Variants in TMEM190 observed in about 807,000 individuals in gnomAD.
The protein encoded by TMEM190 is transmembrane protein 190.
A neutral mutation model predicts 17.1 loss-of-function variants in TMEM190; 17 were observed. That is an observed-to-expected ratio of 0.99 (90% CI 0.68 to 1.49). TMEM190 has a LOEUF of 1.49. TMEM190 is among the 40% of genes most tolerant of loss of function. The pLI is 0.00. For missense variants in TMEM190, 246 were observed against 245.0 expected, an observed-to-expected ratio of 1.00 and a Z score of -0.03; for synonymous variants, 101 against 103.8, an observed-to-expected ratio of 0.97 and a Z score of 0.16.
rs903104944 is a variant in TMEM190, at chr19:55,376,835, A to G, written c.-19A>G. The G allele has an allele frequency of 5.2e-6, 8 of 1,538,106 alleles. No individual in the cohort carries two copies. The highest frequency in any genetic ancestry group is 6.1e-6 in the Non-Finnish European group (7 of 1,141,152). ...TAAGGCCTCTTCCCACAGTGGCCCC[A>G]GGGGTCTGGGGAGGTGACATGTTGG... On this transcript the variant is annotated 5_prime_UTR_variant, in exon 1 of 5. Coordinates refer to ENST00000291934, the MANE Select transcript of TMEM190 (RefSeq NM_139172.3).
In TMEM190 at chr19:55,377,865, G is replaced by C. The variant is rs749218991; in HGVS notation, c.284G>C (p.Ser95Thr). 1 of 1,610,176 alleles carries C rather than the reference G, an allele frequency of 6.2e-7. No homozygotes were observed. The highest frequency in any genetic ancestry group is 8.5e-7 in the Non-Finnish European group (1 of 1,179,832). Residue 95 changes from serine (S) to threonine (T), a missense_variant, in exon 4 of 5, where the codon AGC becomes ACC. By Grantham distance (58) the Ser-to-Thr change is moderately conservative. Transcript: ENST00000291934. Reference protein sequence around the residue: ...VWTCSGLLLLSCSICLFWWAK... With the variant: ...VWTCSGLLLLTCSICLFWWAK... ...ACGTGCAGCGGCCTCCTCCTCCTGA[G>C]CTGCAGCATCTGCTTGTTCTGGCGA...
Position 55,377,004 on chromosome 19 carries a change from C to T in TMEM190, c.72C>T (p.Ile24=), listed in dbSNP as rs2089856084. 6.4e-7 allele frequency: 1 copy of T among 1,551,316 alleles called. No individual in the cohort carries two copies. Among genetic ancestry groups the T allele is most frequent in the African/African-American group, 1.4e-5 (1 of 73,050 alleles). Residue 24 remains isoleucine (I), a synonymous_variant, in exon 2 of 5, where the codon ATC becomes ATT. Coordinates refer to ENST00000291934, the MANE Select transcript of TMEM190 (RefSeq NM_139172.3). ...LLQGSADGNG[I]QGFFYPWSCE... ...TTTCTCTCGCAGACGGAAATGGAAT[C>T]CAGGGATTCTTCTACCCATGGAGTG...
rs1348388491 is a variant in TMEM190, at chr19:55,377,716, A to G, written c.218A>G (p.Asp73Gly). 1 of 1,611,380 alleles carries G rather than the reference A, an allele frequency of 6.2e-7. No individual in the cohort carries two copies. The highest frequency in any genetic ancestry group is 8.5e-7 in the Non-Finnish European group (1 of 1,178,386). Reference protein sequence around the residue: ...RNGVCYHQRPDENVRRKHMWA... With the variant: ...RNGVCYHQRPGENVRRKHMWA... Reference sequence around the variant, plus strand: ...GGGGTCTGCTACCACCAGCGTCCAGACGGTGAGGGCTCCTGGCCCCAGGTC... The same window carrying G: ...GGGGTCTGCTACCACCAGCGTCCAGGCGGTGAGGGCTCCTGGCCCCAGGTC... Residue 73 changes from aspartate to glycine, a missense_variant and splice_region_variant, in exon 3 of 5, where the codon GAC becomes GGC. Transcript: ENST00000291934.
rs1382524424 is a variant in TMEM190, at chr19:55,377,027, G to A, written c.94+1G>A. 6.4e-7 allele frequency: 1 copy of A among 1,551,302 alleles called. No individual in the cohort carries two copies. Among genetic ancestry groups the A allele is most frequent in the South Asian group, 1.2e-5 (1 of 84,068 alleles). ...ATCCAGGGATTCTTCTACCCATGGA[G>A]TGAGCAGCCGCTGAAATACTGGGTC... is the stretch of plus-strand genomic sequence containing the variant. On this transcript the variant is annotated splice_donor_variant, in intron 2 of 4. Coordinates refer to ENST00000291934, the MANE Select transcript of TMEM190 (RefSeq NM_139172.3). LOFTEE classifies it high-confidence loss of function.
chr19:55,377,141 G>GC lies in TMEM190; in HGVS notation c.94+115_94+116insC. 5 of 1,260,714 alleles carry GC rather than the reference G, an allele frequency of 4.0e-6. No individual in the cohort carries two copies. The South Asian group carries it at 6.5e-5, about 16-fold the overall frequency. The allele number at this position is 1,260,714 out of a possible 1,614,324, so 78.1% of individuals were successfully genotyped here. On this transcript the variant is annotated intron_variant, in intron 2 of 4. Transcript: ENST00000291934. Reference sequence around the variant, plus strand: ...TCCTGGATCTGAGGGAGGACGGGGGGGTCTGGACTCCTGGGTCTGAGGGAG... The same window carrying GC: ...TCCTGGATCTGAGGGAGGACGGGGGGCGTCTGGACTCCTGGGTCTGAGGGAG...
At chr19:55,377,748 G>A (rs751039714) in intron 3 of TMEM190, 30 bp downstream of exon 3, 2 of 1,612,076 alleles carry the variant, frequency 1.2e-6, no homozygotes, top group South Asian at 1.1e-5. Flanking sequence ...GGTCCCTGGG[G>A]CGTGGGTCTG....
Position 55,377,896 on chromosome 19 carries a change from C to A in TMEM190, c.305+10C>A. 6.2e-7 allele frequency: 1 copy of A among 1,608,158 alleles called. No individual in the cohort carries two copies. Among genetic ancestry groups the A allele is most frequent in the Non-Finnish European group, 8.5e-7 (1 of 1,179,740 alleles). ...GCATCTGCTTGTTCTGGCGAGTGGGCCTGGGATAGGGCGGGCGCCTGCACC... is the reference window on the plus strand; with the variant it reads ...GCATCTGCTTGTTCTGGCGAGTGGGACTGGGATAGGGCGGGCGCCTGCACC... On this transcript the variant is annotated intron_variant, in intron 4 of 4. Coordinates refer to ENST00000291934, the MANE Select transcript of TMEM190 (RefSeq NM_139172.3).
intron 3 of TMEM190, 31 bp from the exon 4 acceptor site, chr19:55,377,771 C>T (rs2089863822): frequency 1.9e-6 from 3 of 1,612,716 alleles, no homozygotes; most frequent in Non-Finnish European, 2.5e-6. Flanking sequence ...GGTCGGGAGC[C>T]CCGGGTCTTA....
chr19:55,376,963 A>T, intron 1 of TMEM190, 28 bp from the exon 2 acceptor site: 1 of 1,552,654 alleles, frequency 6.4e-7, no homozygotes, highest in Non-Finnish European at 8.7e-7. Flanking sequence ...GGCTCCACAC[A>T]GCCCTAACAC....
rs369552487 is a variant in TMEM190 at position 55,377,639 on chromosome 19, G to T, written c.141G>T (p.Ala47=). ...ACCGGGAGAGCTGTGGGGGCCAGGC[G>T]GCCATCGATAGCCCCAACCTCTGCC... ...IWDRESCGGQ[A]AIDSPNLCLR... The change falls in exon 3 of 5, where the codon GCG becomes GCT. Residue 47 remains alanine, a synonymous_variant. Transcript: ENST00000291934. 1 of 1,613,242 alleles carries T rather than the reference G, an allele frequency of 6.2e-7. No homozygotes were observed. Among genetic ancestry groups the T allele is most frequent in the Non-Finnish European group, 8.5e-7 (1 of 1,179,600 alleles).
In TMEM190 at chr19:55,378,218, G is replaced by A. The variant is rs751580933; in HGVS notation, c.*15G>A. On this transcript the variant is annotated 3_prime_UTR_variant, in exon 5 of 5. Coordinates refer to ENST00000291934, the MANE Select transcript of TMEM190 (RefSeq NM_139172.3). ...AGGAGGATTAGGGGAGTCCCCGGGGGACTGCTCAATACAGATACGGTGGAC... is the reference window on the plus strand; with the variant it reads ...AGGAGGATTAGGGGAGTCCCCGGGGAACTGCTCAATACAGATACGGTGGAC... The A allele has an allele frequency of 5.2e-6, 8 of 1,526,582 alleles. No homozygotes were observed. Among genetic ancestry groups the A allele is most frequent in the South Asian group, 3.8e-5 (3 of 77,962 alleles). 94.6% of individuals were successfully genotyped at this position (1,526,582 alleles called of 1,614,324 possible).
chr19:55,377,943 AGGGC>A, intron 4 of TMEM190, 28 bp from the exon 5 acceptor site: 1 of 1,606,522 alleles, frequency 6.2e-7, no homozygotes, highest in Non-Finnish European at 8.5e-7. Flanking sequence ...GGTCCGGCGG[AGGGC>A]GGGGGCTGAG....
At chr19:55,377,934 G>A (rs1307573975) in intron 4 of TMEM190, 41 bp from the exon 5 acceptor site, 1 of 1,606,298 alleles carries the variant, frequency 6.2e-7, no homozygotes, top group Non-Finnish European at 8.5e-7. Context: ...CAGGGGGAGG[G>A]TCCGGCGGAG....
Position 55,377,577 on chromosome 19 carries a change from G to A in TMEM190, c.95-16G>A. The stretch of plus-strand genomic sequence containing the variant: ...GAGCGCTGTGATGAAGCAAGCCACT[G>A]GTGGTTGGTCCCCAGGCTGTGAGGG... On this transcript the variant is annotated splice_polypyrimidine_tract_variant and intron_variant, in intron 2 of 4. Coordinates refer to ENST00000291934, the MANE Select transcript of TMEM190 (RefSeq NM_139172.3). 1 of 1,597,416 alleles carries A rather than the reference G, an allele frequency of 6.3e-7. No homozygotes were observed. Among genetic ancestry groups the A allele is most frequent in the Non-Finnish European group, 8.5e-7 (1 of 1,171,700 alleles).
At position 55,377,857 on chromosome 19, in the gene TMEM190, C is replaced by T. The variant is rs1310024827; in HGVS notation, c.276C>T (p.Leu92=). 6.2e-7 allele frequency: 1 copy of T among 1,610,534 alleles called. No homozygotes were observed. Among genetic ancestry groups the T allele is most frequent in the Admixed American group, 1.7e-5 (1 of 59,988 alleles). ...WALVWTCSGL[L]LLSCSICLFW... is the part of the protein sequence containing the mutation. ...TGGTCTGGACGTGCAGCGGCCTCCT[C>T]CTCCTGAGCTGCAGCATCTGCTTGT... is the stretch of plus-strand genomic sequence containing the variant. The change falls in exon 4 of 5, where the codon CTC becomes CTT. Residue 92 remains leucine, a synonymous_variant. Transcript: ENST00000291934.
Position 55,377,729 on chromosome 19 carries a change from C to T in TMEM190, c.220+11C>T, listed in dbSNP as rs374698103. The T allele has an allele frequency of 3.1e-6, 5 of 1,611,036 alleles. No homozygotes were observed. The highest frequency in any genetic ancestry group is 2.7e-5 in the African/African-American group (2 of 74,792). On this transcript the variant is annotated intron_variant, in intron 3 of 4. Transcript: ENST00000291934. Reference sequence around the variant, plus strand: ...ACCAGCGTCCAGACGGTGAGGGCTCCTGGCCCCAGGTCCCTGGGGCGTGGG... The same window carrying T: ...ACCAGCGTCCAGACGGTGAGGGCTCTTGGCCCCAGGTCCCTGGGGCGTGGG...
rs1454620979 is a variant in TMEM190 at position 55,377,505 on chromosome 19, G to C, written c.95-88G>C. ...GCACAGAGTAAGCACCAGGAAGGCAGCCTGGGAGCATGGCCTTGGAATCTC... is the reference window on the plus strand; with the variant it reads ...GCACAGAGTAAGCACCAGGAAGGCACCCTGGGAGCATGGCCTTGGAATCTC... On this transcript the variant is annotated intron_variant, in intron 2 of 4. Coordinates refer to ENST00000291934, the MANE Select transcript of TMEM190 (RefSeq NM_139172.3). The C allele has an allele frequency of 4.6e-6, 7 of 1,536,568 alleles. No individual in the cohort carries two copies. The East Asian group carries it at 6.8e-5, about 15-fold the overall frequency.
Position 55,376,930 on chromosome 19 carries a change from G to GGTGA in TMEM190, c.58+20_58+21insTGAG. The GGTGA allele has an allele frequency of 6.4e-7, 1 of 1,562,140 alleles. No homozygotes were observed. The highest frequency in any genetic ancestry group is 1.2e-5 in the South Asian group (1 of 84,978). The stretch of plus-strand genomic sequence containing the variant: ...TCGGCAGGTGAGGGGCTGGTGAGGC[G>GGTGA]GGGGAGCTGAGGAGGGACGCCCGGC... On this transcript the variant is annotated intron_variant, in intron 1 of 4. Coordinates refer to ENST00000291934, the MANE Select transcript of TMEM190 (RefSeq NM_139172.3).
Position 55,377,783 on chromosome 19 carries a change from C to T in TMEM190, c.221-19C>T, listed in dbSNP as rs762606209. The T allele has an allele frequency of 1.2e-6, 2 of 1,612,958 alleles. No individual in the cohort carries two copies. The highest frequency in any genetic ancestry group is 1.7e-6 in the Non-Finnish European group (2 of 1,179,714). On this transcript the variant is annotated intron_variant, in intron 3 of 4. Transcript: ENST00000291934. ...GGCGGTCGGGAGCCCCGGGTCTTAACCCTGCCTCCCTTGTCCAGAAAACGT... is the reference window on the plus strand; with the variant it reads ...GGCGGTCGGGAGCCCCGGGTCTTAATCCTGCCTCCCTTGTCCAGAAAACGT...
Sources: gnomAD v4.1 joint callset for allele counts on GRCh38, gnomAD v4.1.1 for gene constraint, MANE v1.5 for transcripts, NCBI Gene and HGNC (gene_info 2026-07-23, HGNC 2026-07-21) for gene names.